TOM1: variants seen among roughly 807,000 people sequenced by gnomAD.
TOM1 encodes the protein target of Myb protein 1.
In TOM1, 38 loss-of-function variants were observed where a neutral mutation model predicts 61.3. The ratio of observed to expected loss-of-function variants is 0.62; its 90% CI spans 0.48 to 0.81. The LOEUF is 0.81. Ranked by LOEUF, TOM1 falls within the 40% of genes least tolerant of loss-of-function variation. The pLI is 0.00. For synonymous variants in TOM1, 270 were observed against 268.8 expected, an observed-to-expected ratio of 1.00 and a Z score of -0.04; for missense variants, 591 against 659.6, an observed-to-expected ratio of 0.90 and a Z score of 1.14.
intron 1 of TOM1, among the ~76,000 whole-genome samples, chr22:35,312,841 T>A (rs1465667435): frequency 3.3e-5 from 5 of 152,154 alleles, no homozygotes; most frequent in Non-Finnish European, 1.5e-5. Flanking sequence ...AGGCTTTTGA[T>A]CCTCAGGCAG....
At chr22:35,312,058 G>A (rs2145624928) in intron 1 of TOM1, among the ~76,000 whole-genome samples, 1 of 152,150 alleles carries the variant, frequency 6.6e-6, no homozygotes, top group East Asian at 1.9e-4. Flanking sequence ...TTCAAGACCA[G>A]CCTGGCCAAG....
chr22:35,338,862 C>T (rs1174273558), intron 12 of TOM1, 74 bp downstream of exon 12: 32 of 1,383,032 alleles, frequency 2.3e-5, no homozygotes, highest in Non-Finnish European at 2.9e-5. Context: ...CACTGGGTGC[C>T]GTTGTGGGCC....
intron 12 of TOM1, among the ~76,000 whole-genome samples, chr22:35,343,429 ATATCTACACCCACCACACACACC>A (rs1930155331): frequency 7.1e-6 from 1 of 140,392 alleles, no homozygotes; most frequent in African/African-American, 2.7e-5. Flanking sequence ...CCACACACAC[ATATCTACACCCACCACACACACC>A]TACACACACA....
At chr22:35,319,027 G>T (rs895013728) in intron 2 of TOM1, among the ~76,000 whole-genome samples, 37 of 152,240 alleles carry the variant, frequency 2.4e-4, no homozygotes, top group African/African-American at 8.4e-4. Flanking sequence ...GAGGGCAGTG[G>T]CTGCCAGGAA....
intron 6 of TOM1, 132 bp downstream of exon 6, chr22:35,324,046 G>T: frequency 8.7e-7 from 1 of 1,143,126 alleles, no homozygotes; most frequent in South Asian, 1.8e-5. Flanking sequence ...GGGTATGTGT[G>T]GTTCTTCCTG....
intron 11 of TOM1, among the ~76,000 whole-genome samples, chr22:35,335,110 G>A (rs772277453): frequency 1.3e-5 from 2 of 152,158 alleles, no homozygotes; most frequent in African/African-American, 2.4e-5. Context: ...CGGGACCTGC[G>A]GGAGAACTGG....
intron 12 of TOM1, among the ~76,000 whole-genome samples, chr22:35,341,531 A>G (rs879761471): frequency 1.8e-4 from 28 of 152,166 alleles, no homozygotes; most frequent in Middle Eastern, 6.8e-3. Flanking sequence ...ATCGGAACCA[A>G]CACACCGCGA....
chr22:35,344,548 G>A (rs1369491583), intron 12 of TOM1: 3 of 152,256 alleles, frequency 2.0e-5, no homozygotes, highest in Admixed American at 6.5e-5. Context: ...GGATAGCGGA[G>A]CGGGAGACGG....
At position 35,323,267 on chromosome 22, in the gene TOM1, G is replaced by A; in HGVS notation, c.366+90G>A. 1 of 1,528,286 alleles carries A rather than the reference G, an allele frequency of 6.5e-7. No homozygotes were observed. Among genetic ancestry groups the A allele is most frequent in the East Asian group, 2.3e-5 (1 of 44,110 alleles). The allele number at this position is 1,528,286 out of a possible 1,614,324, so 94.7% of individuals were successfully genotyped here. On this transcript the variant is annotated intron_variant, in intron 4 of 14. Transcript: ENST00000449058. The surrounding 1 kb of genome is among the most constrained non-coding windows in gnomAD (Gnocchi z 4.2). The stretch of plus-strand genomic sequence containing the variant: ...GTGGAGAGTCGAGGCCATCGTGTTT[G>A]TCCCAGGCTCCGCTTCTCATTTCGG...
intron 1 of TOM1, among the ~76,000 whole-genome samples, chr22:35,311,597 C>T (rs1231623022): frequency 6.6e-6 from 1 of 152,224 alleles, no homozygotes; most frequent in Non-Finnish European, 1.5e-5. Flanking sequence ...ATGTAATGCC[C>T]CCCTCTGCTC....
intron 10 of TOM1, 30 bp from the exon 11 acceptor site, chr22:35,334,298 G>A: frequency 1.2e-6 from 2 of 1,601,480 alleles, no homozygotes; most frequent in South Asian, 2.2e-5. Flanking sequence ...TTGTGGATGG[G>A]TCTTTCACGT....
Position 35,300,887 on chromosome 22 carries a change from A to G in TOM1, c.52+907A>G, listed in dbSNP as rs536994119. Among the ~76,000 whole-genome samples the G allele has an allele frequency of 2.3e-5, 3 of 129,294 alleles. No individual in the cohort carries two copies. In the South Asian group the frequency reaches 8.1e-4, roughly 35 times the overall value. 84.8% of individuals were successfully genotyped at this position (129,294 alleles called of 152,430 possible). ...TTAGAACAATGCCTGGTACATGGCC[A>G]GTGCCATATAAAAAAAAACAGTTGT... On this transcript the variant is annotated intron_variant, in intron 1 of 14. Transcript: ENST00000449058.
chr22:35,312,558 CTG>C (rs1926927240), intron 1 of TOM1, among the ~76,000 whole-genome samples: 1 of 152,244 alleles, frequency 6.6e-6, no homozygotes, highest in African/African-American at 2.4e-5. Context: ...ATCTCACAAA[CTG>C]TGTGACTGCA....
chr22:35,300,001 AC>A, intron 1 of TOM1, 21 bp downstream of exon 1: 1 of 1,559,686 alleles, frequency 6.4e-7, no homozygotes. Flanking sequence ...GGAGCCCCCC[AC>A]AGCTCCGCCC....
At chr22:35,319,072 C>T (rs1927551855) in intron 2 of TOM1, among the ~76,000 whole-genome samples, 1 of 152,210 alleles carries the variant, frequency 6.6e-6, no homozygotes, top group Non-Finnish European at 1.5e-5. Context: ...GCTCCCTGAT[C>T]TTGCCAAGGA....
intron 12 of TOM1, 179 bp from the exon 13 acceptor site, chr22:35,345,546 G>T: frequency 1.6e-6 from 1 of 641,058 alleles, no homozygotes; most frequent in Non-Finnish European, 2.8e-6. Flanking sequence ...TAGTCTCCTG[G>T]CTCTGCACCT....
chr22:35,301,962 A>G (rs1925843118), intron 1 of TOM1, among the ~76,000 whole-genome samples: 2 of 152,218 alleles, frequency 1.3e-5, no homozygotes, highest in South Asian at 2.1e-4. Flanking sequence ...AAACAAGTAA[A>G]TAAAAGACCT....
intron 1 of TOM1, among the ~76,000 whole-genome samples, chr22:35,308,331 T>C (rs1378038669): frequency 6.7e-6 from 1 of 149,998 alleles, no homozygotes; most frequent in Non-Finnish European, 1.5e-5. Flanking sequence ...TTTCCCAGGC[T>C]GGAGTGCAGT....
intron 13 of TOM1, 79 bp from the exon 14 acceptor site, chr22:35,346,851 G>A (rs1405222857): frequency 1.5e-5 from 21 of 1,384,466 alleles, no homozygotes; most frequent in South Asian, 1.3e-4. Context: ...AGCGGGGCCC[G>A]AGCTGCAGCA....
Sources: allele counts gnomAD v4.1 joint callset (sites outside exome capture counted in the v4.1 genomes callset), GRCh38; gene constraint gnomAD v4.1.1; non-coding constraint Gnocchi (gnomAD v3.1); transcripts MANE v1.5; gene names NCBI Gene and HGNC (gene_info 2026-07-23, HGNC 2026-07-21).